The following DCST1 variants were observed in gnomAD, a reference collection of about 807,000 sequenced individuals.
DCST1 encodes the protein E3 ubiquitin-protein ligase DCST1.
Under a neutral mutation model 89.1 loss-of-function variants are expected in DCST1, and 78 were observed. The ratio of observed to expected loss-of-function variants is 0.88; its 90% CI spans 0.73 to 1.06. DCST1 has a LOEUF of 1.06. DCST1 is among the 50% of genes least tolerant of loss of function. The pLI, the probability that DCST1 is intolerant of heterozygous loss-of-function variation, is 0.00. For missense variants in DCST1, 900 were observed against 928.6 expected (o/e 0.97, Z 0.40); for synonymous variants, 364 against 371.9 (o/e 0.98, Z 0.24).
Position 155,050,885 on chromosome 1 carries a change from C to G in DCST1, c.*17C>G. The G allele has an allele frequency of 6.2e-7, 1 of 1,602,736 alleles. No homozygotes were observed. Among genetic ancestry groups the G allele is most frequent in the Non-Finnish European group, 8.5e-7 (1 of 1,171,374 alleles). ...GCGGGGTGAAGAGGCGTCCTGCTCG[C>G]TCTTCCGCACCGTCCTTCCCGGTTA... On this transcript the variant is annotated 3_prime_UTR_variant, in exon 17 of 17. Transcript: ENST00000295542.
At chr1:155,048,415 C>T (rs957549839) in intron 16 of DCST1, among the ~76,000 whole-genome samples, 9 of 152,246 alleles carry the variant, frequency 5.9e-5, no homozygotes, top group Non-Finnish European at 1.2e-4. Context: ...TCTCAGCCCC[C>T]CACTCCACAA....
At chr1:155,045,275 G>A (rs952144568) in intron 10 of DCST1, 1 of 152,722 alleles carries the variant, frequency 6.5e-6, no homozygotes, top group Non-Finnish European at 1.5e-5. Context: ...TTAGCAAACT[G>A]AAGCATTATG....
In DCST1 at chr1:155,040,582, C is replaced by T; in HGVS notation, c.489C>T (p.Arg163=). Reference sequence around the variant, plus strand: ...TCAACAACACCCGCGCAGCTTGGCGCATCTCCACAGCCCCCTTACGGGCCA... The same window carrying T: ...TCAACAACACCCGCGCAGCTTGGCGTATCTCCACAGCCCCCTTACGGGCCA... ...LQINNTRAAW[R]ISTAPLRAMF... Residue 163 remains arginine, a synonymous_variant, in exon 6 of 17, where the codon CGC becomes CGT. Transcript: ENST00000295542. 3 of 1,586,668 alleles carry T rather than the reference C, an allele frequency of 1.9e-6. 1 individual carries two copies. Among genetic ancestry groups the T allele is most frequent in the South Asian group, 2.3e-5 (2 of 87,218 alleles).
chr1:155,049,248 G>T, intron 16 of DCST1: 1 of 575,060 alleles, frequency 1.7e-6, no homozygotes, highest in Non-Finnish European at 3.2e-6. Context: ...TTGTTTTAAG[G>T]ATTAAATGAG....
At chr1:155,040,936 C>A (rs1484339672) in intron 6 of DCST1, among the ~76,000 whole-genome samples, 2 of 151,630 alleles carry the variant, frequency 1.3e-5, no homozygotes, top group Non-Finnish European at 2.9e-5. Context: ...GTTTCGAAGA[C>A]AAGAGTATTC....
chr1:155,045,010 G>C (rs1660569854), intron 10 of DCST1, among the ~76,000 whole-genome samples: 1 of 152,232 alleles, frequency 6.6e-6, no homozygotes, highest in Non-Finnish European at 1.5e-5. Context: ...AGCTGGGTGA[G>C]GTCATGCACT....
At position 155,039,990 on chromosome 1, in the gene DCST1, C is replaced by CAAAAAAA. The variant is rs55764638; in HGVS notation, c.392-469_392-463dup. ...TGGGTGACAGAGCAAGACTCCGTCTCAAAAAAAAAAAAAAAAAAAAAAAAA... is the reference window on the plus strand; with the variant it reads ...TGGGTGACAGAGCAAGACTCCGTCTCAAAAAAAAAAAAAAAAAAAAAAAAAAAAAAAA... On this transcript the variant is annotated intron_variant, in intron 5 of 16. Transcript: ENST00000295542. Among the ~76,000 whole-genome samples, 3 of 13,396 alleles carry CAAAAAAA rather than the reference C, an allele frequency of 2.2e-4. 1 individual carries two copies. Among genetic ancestry groups the CAAAAAAA allele is most frequent in the Non-Finnish European group, 2.6e-4 (2 of 7,818 alleles). 8.8% of individuals were successfully genotyped at this position (13,396 alleles called of 152,430 possible).
intron 4 of DCST1, among the ~76,000 whole-genome samples, chr1:155,036,818 C>T (rs1035998874): frequency 2.0e-5 from 3 of 152,250 alleles, no homozygotes; most frequent in Admixed American, 6.5e-5. Flanking sequence ...TGGCTGACCT[C>T]GAGTGAAGCC....
chr1:155,040,976 G>T (rs1660421613), intron 6 of DCST1, among the ~76,000 whole-genome samples: 1 of 152,156 alleles, frequency 6.6e-6, no homozygotes, highest in Non-Finnish European at 1.5e-5. Flanking sequence ...GCTGGAGACT[G>T]GGGGTTTGGG....
In DCST1 at chr1:155,034,719, G is replaced by T. The variant is rs1558105171; in HGVS notation, c.254G>T (p.Ser85Ile). Reference sequence around the variant, plus strand: ...GAACAGAAGATTATGTTCTTGTACAGCTTGGTGGGTTAGTGCTGGGCAAAA... The same window carrying T: ...GAACAGAAGATTATGTTCTTGTACATCTTGGTGGGTTAGTGCTGGGCAAAA... Reference protein sequence around the residue: ...YEEQKIMFLYSLVGLGAMGWG... With the variant: ...YEEQKIMFLYILVGLGAMGWG... The change falls in exon 4 of 17, where the codon AGC (serine) becomes ATC (isoleucine). Residue 85 changes from serine (S) to isoleucine (I), a missense_variant. Ser to Ile is a moderately radical substitution (Grantham distance 142). Coordinates refer to ENST00000295542, the MANE Select transcript of DCST1 (RefSeq NM_152494.4). The T allele has an allele frequency of 2.5e-6, 4 of 1,614,176 alleles. No homozygotes were observed. Among genetic ancestry groups the T allele is most frequent in the Non-Finnish European group, 3.4e-6 (4 of 1,180,052 alleles).
At position 155,040,467 on chromosome 1, in the gene DCST1, C is replaced by A. The variant is rs775998908; in HGVS notation, c.392-18C>A. On this transcript the variant is annotated intron_variant, in intron 5 of 16. Coordinates refer to ENST00000295542, the MANE Select transcript of DCST1 (RefSeq NM_152494.4). Reference sequence around the variant, plus strand: ...CTGGTTATACAGGGAGGTGACCAACCAGGGCCTCTTTCTCCAGGGCCAGTA... The same window carrying A: ...CTGGTTATACAGGGAGGTGACCAACAAGGGCCTCTTTCTCCAGGGCCAGTA... The A allele has an allele frequency of 6.3e-7, 1 of 1,593,786 alleles. No individual in the cohort carries two copies. Among genetic ancestry groups the A allele is most frequent in the Non-Finnish European group, 8.6e-7 (1 of 1,168,996 alleles).
Position 155,041,459 on chromosome 1 carries a change from T to G in DCST1, c.594T>G (p.Asp198Glu). Residue 198 changes from aspartate to glutamate, a missense_variant, in exon 7 of 17, where the codon GAT (aspartate) becomes GAG (glutamate). Physicochemically the swap from Asp to Glu is conservative, Grantham distance 45 (BLOSUM62 2). Coordinates refer to ENST00000295542, the MANE Select transcript of DCST1 (RefSeq NM_152494.4). ...TCTCCGCCACTTTTGAGGACCTGGA[T>G]GCCCAGGTGAATAGTGAGACGGGCT... ...RNISATFEDL[D>E]AQVNSETGYT... is the part of the protein sequence containing the mutation. 1 of 1,614,038 alleles carries G rather than the reference T, an allele frequency of 6.2e-7. No homozygotes were observed. Among genetic ancestry groups the G allele is most frequent in the Non-Finnish European group, 8.5e-7 (1 of 1,180,018 alleles).
intron 10 of DCST1, among the ~76,000 whole-genome samples, 184 bp downstream of exon 10, chr1:155,043,693 C>G (rs965610263): frequency 6.6e-6 from 1 of 152,158 alleles, no homozygotes; most frequent in Admixed American, 6.5e-5. Flanking sequence ...AGAACATTAC[C>G]CATGTTCCCA....
At position 155,046,131 on chromosome 1, in the gene DCST1, C is replaced by T. The variant is rs567538698; in HGVS notation, c.1279C>T (p.Arg427Trp). Residue 427 changes from arginine to tryptophan, a missense_variant, in exon 12 of 17, where the codon CGG (arginine) becomes TGG (tryptophan). Arg to Trp is a moderately radical substitution (Grantham distance 101). Transcript: ENST00000295542. The part of the protein sequence containing the change: ...IDDRRKKLGK[R>W]TLLPLRKAEE... ...GTGGACATTTGTTTTCCAGGGCAAA[C>T]GGACTCTGCTGCCACTCCGCAAAGC... is the stretch of plus-strand genomic sequence containing the variant. The T allele has an allele frequency of 2.5e-5, 40 of 1,614,172 alleles. No individual in the cohort carries two copies. Among genetic ancestry groups the T allele is most frequent in the South Asian group, 1.8e-4 (16 of 91,082 alleles).
chr1:155,046,600 C>CATTTT, intron 13 of DCST1, 114 bp downstream of exon 13: 2 of 532,370 alleles, frequency 3.8e-6, no homozygotes, highest in Non-Finnish European at 5.3e-6. Flanking sequence ...CCTTCTGCCT[C>CATTTT]TTTTTTTTTT....
chr1:155,046,014 C>T (rs758040823), intron 11 of DCST1, 22 bp downstream of exon 11: 39 of 1,613,168 alleles, frequency 2.4e-5, no homozygotes, highest in Non-Finnish European at 3.0e-5. Context: ...CGGCACTGCC[C>T]GGGGATGCCT....
chr1:155,050,488 T>C lies in DCST1; in HGVS notation c.1870-129T>C, dbSNP rs572391267. The C allele has an allele frequency of 4.5e-6, 6 of 1,324,358 alleles. No individual in the cohort carries two copies. In the East Asian group the frequency reaches 1.5e-4, roughly 34 times the overall value. The allele number at this position is 1,324,358 out of a possible 1,614,324, so 82.0% of individuals were successfully genotyped here. A position where few individuals can be genotyped will look rare whatever the true frequency, so the allele number is the denominator to read the frequency against. On this transcript the variant is annotated intron_variant, in intron 16 of 16. Transcript: ENST00000295542. The stretch of plus-strand genomic sequence containing the variant: ...CACCCTCGCCCTCCAGGGGTTTCCT[T>C]TGTCCAACCCAGCCTCCTCCAACAC...
chr1:155,050,442 T>A (rs935457127), intron 16 of DCST1, 175 bp from the exon 17 acceptor site: 4 of 777,964 alleles, frequency 5.1e-6, no homozygotes, highest in Non-Finnish European at 8.0e-6. Flanking sequence ...CCATTCTCCA[T>A]CACAGAGTTG....
In DCST1 at chr1:155,048,054, C is replaced by T. The variant is rs771091794; in HGVS notation, c.1756-3C>T. ...CTATCATTGACCCCCTTCCTGCCCC[C>T]AGCGAGAGAAGAAGCGGATCCTGTT... On this transcript the variant is annotated splice_polypyrimidine_tract_variant and splice_region_variant and intron_variant, in intron 15 of 16. Transcript: ENST00000295542. The T allele has an allele frequency of 1.2e-6, 2 of 1,613,868 alleles. No individual in the cohort carries two copies. Among genetic ancestry groups the T allele is most frequent in the Non-Finnish European group, 1.7e-6 (2 of 1,179,958 alleles).
Sources: gnomAD v4.1 joint callset for allele counts (sites outside exome capture counted in the v4.1 genomes callset) on GRCh38, gnomAD v4.1.1 for gene constraint, MANE v1.5 for transcripts, NCBI Gene and HGNC (gene_info 2026-07-23, HGNC 2026-07-21) for gene names.